The following COG8 variants were observed in gnomAD, a reference collection of about 807,000 sequenced individuals.
COG8 encodes the protein component of oligomeric golgi complex 8, also known as conserved oligomeric Golgi complex subunit 8.
In COG8, 45 loss-of-function variants were observed where a neutral mutation model predicts 46.5. The ratio of observed to expected loss-of-function variants is 0.97; its 90% CI spans 0.76 to 1.24. COG8 has a LOEUF of 1.24. Among genes scored for constraint, COG8 ranks in the 50% most tolerant of loss-of-function variants. The pLI is 0.00. For missense variants in COG8, 793 were observed against 820.8 expected (o/e 0.97, Z 0.41); for synonymous variants, 407 against 347.8 (o/e 1.17, Z -1.90).
intron 1 of COG8, 109 bp downstream of exon 1, chr16:69,339,067 C>A: frequency 6.8e-7 from 1 of 1,481,060 alleles, no homozygotes. Context: ...ATAAAGCGCT[C>A]AGCAGAGAAC....
chr16:69,329,282 G>A (rs961881992), intron 5 of COG8, 103 bp from the exon 6 acceptor site: 9 of 1,255,390 alleles, frequency 7.2e-6, no homozygotes, highest in East Asian at 2.9e-5. Context: ...ATTGACAAGA[G>A]GCAACAGCAG....
In COG8 at chr16:69,328,106, C is replaced by G. The variant is rs1567427619; in HGVS notation, c.*1100G>C. On this transcript the variant is annotated 3_prime_UTR_variant, in exon 6 of 6. Coordinates refer to ENST00000306875, the MANE Select transcript of COG8 (RefSeq NM_032382.5). ...GGGATTACAGGTGCTCGCCACCACG[C>G]CCGGCTAATTTTTGTATCTTTAGTA... 1.3e-5 allele frequency: 2 copies of G among 152,140 alleles called. No individual in the cohort carries two copies. Among genetic ancestry groups the G allele is most frequent in the African/African-American group, 4.8e-5 (2 of 41,404 alleles). The allele number at this position is 152,140 out of a possible 1,614,324, so 9.4% of individuals were successfully genotyped here. A position where few individuals can be genotyped will look rare whatever the true frequency, so the allele number is the denominator to read the frequency against.
In COG8 at chr16:69,331,110, G is replaced by A. The variant is rs1181798879; in HGVS notation, c.1583-15C>T. ...GGGAGGAATGCCTAACCCAGACGTG[G>A]GGAAAGCAAAATGGAAAACAGTTAC... On this transcript the variant is annotated splice_polypyrimidine_tract_variant and intron_variant, in intron 4 of 5. Transcript: ENST00000306875. The A allele has an allele frequency of 3.1e-6, 5 of 1,613,508 alleles. No homozygotes were observed. The highest frequency in any genetic ancestry group is 2.2e-5 in the South Asian group (2 of 91,026).
At chr16:69,332,055 T>C (rs2143330733) in intron 4 of COG8, among the ~76,000 whole-genome samples, 2 of 151,718 alleles carry the variant, frequency 1.3e-5, no homozygotes, top group South Asian at 4.2e-4. Context: ...TGAAAGTGAA[T>C]TGGAAAAAAG....
chr16:69,330,999 T>C lies in COG8; in HGVS notation c.1679A>G (p.Glu560Gly), dbSNP rs748769205. 2.5e-6 allele frequency: 4 copies of C among 1,610,822 alleles called. No individual in the cohort carries two copies. The highest frequency in any genetic ancestry group is 3.4e-6 in the Non-Finnish European group (4 of 1,178,850). Residue 560 changes from glutamate (E) to glycine (G), a missense_variant, in exon 5 of 6, where the codon GAG (glutamate) becomes GGG (glycine). Transcript: ENST00000306875. ...CTGGTCATCCAGGGTGAAAAGCGTC[T>C]CTCTCTTTGGCAGGATAAAGGCGAG... ...EPLAFILPKR[E>G]TLFTLDDQAL...
intron 3 of COG8, 25 bp from the exon 4 acceptor site, chr16:69,332,907 T>TACTGGGACAGCCTATCACC: frequency 6.2e-7 from 1 of 1,613,500 alleles, no homozygotes; most frequent in East Asian, 2.2e-5. Flanking sequence ...CACCGTCAAT[T>TACTGGGACAGCCTATCACC]ACTGGGACAG....
At chr16:69,330,611 C>A in intron 5 of COG8, 1 of 1,413,290 alleles carries the variant, frequency 7.1e-7, no homozygotes, top group Non-Finnish European at 9.1e-7. Flanking sequence ...CCCTTCCGGC[C>A]GCAGCGCGGG....
rs747648458 is a variant in COG8, at chr16:69,335,360, CAG to C, written c.586-14_586-13del. On this transcript the variant is annotated splice_polypyrimidine_tract_variant and intron_variant, in intron 2 of 5. Coordinates refer to ENST00000306875, the MANE Select transcript of COG8 (RefSeq NM_032382.5). Reference sequence around the variant, plus strand: ...TCGTTCACGATGCCCTGACAATACACAGAGAGAGTCACACTGCGCTGGGAAGG... The same window carrying C: ...TCGTTCACGATGCCCTGACAATACACAGAGAGTCACACTGCGCTGGGAAGG... 2.5e-6 allele frequency: 4 copies of C among 1,575,886 alleles called. No homozygotes were observed. The highest frequency in any genetic ancestry group is 2.7e-5 in the African/African-American group (2 of 74,224).
intron 5 of COG8, chr16:69,330,553 GC>G: frequency 6.8e-7 from 1 of 1,468,280 alleles, no homozygotes; most frequent in Non-Finnish European, 8.9e-7. Context: ...GACTCAGCGC[GC>G]CCCACAGCCG....
At chr16:69,333,599 A>G (rs953210105) in intron 3 of COG8, among the ~76,000 whole-genome samples, 1 of 152,248 alleles carries the variant, frequency 6.6e-6, no homozygotes, top group African/African-American at 2.4e-5. Flanking sequence ...GAAAACTGTA[A>G]GAAAACAGCT....
At chr16:69,336,123 C>T (rs2012193171) in intron 2 of COG8, among the ~76,000 whole-genome samples, 1 of 152,132 alleles carries the variant, frequency 6.6e-6, no homozygotes, top group Non-Finnish European at 1.5e-5. Flanking sequence ...TTAAATGTTA[C>T]CTCCCTAGAA....
chr16:69,335,227 T>G lies in COG8; in HGVS notation c.707A>C (p.Asp236Ala). Residue 236 changes from aspartate (D) to alanine (A), a missense_variant, in exon 3 of 6, where the codon GAC becomes GCC. Transcript: ENST00000306875. ...LRVIGYLRRM[D>A]VFTEAELRVK... ...CCTCAACTCAGCCTCAGTGAAGACG[T>G]CCATGCGCCGCAGGTAGCCAATGAC... is the stretch of plus-strand genomic sequence containing the variant. 1 of 1,614,048 alleles carries G rather than the reference T, an allele frequency of 6.2e-7. No individual in the cohort carries two copies. Among genetic ancestry groups the G allele is most frequent in the Non-Finnish European group, 8.5e-7 (1 of 1,179,986 alleles).
chr16:69,330,308 C>G, intron 5 of COG8: 1 of 1,437,760 alleles, frequency 7.0e-7, no homozygotes, highest in African/African-American at 1.5e-5. Context: ...CTCGGGCCCG[C>G]CTAGCTGCGC....
intron 5 of COG8, chr16:69,330,260 C>A: frequency 7.0e-7 from 1 of 1,438,422 alleles, no homozygotes; most frequent in Middle Eastern, 2.4e-4. Flanking sequence ...GCGCCGCCGC[C>A]GCATCACCTG....
intron 5 of COG8, chr16:69,330,249 A>C: frequency 7.0e-7 from 1 of 1,436,898 alleles, no homozygotes; most frequent in Non-Finnish European, 9.1e-7. Flanking sequence ...AGGCCCACGC[A>C]GCGCCGCCGC....
chr16:69,336,023 C>T lies in COG8; in HGVS notation c.585+482G>A, dbSNP rs140030044. ...TAAACACCTCAATTTCTGCCCACTT[C>T]AGCCCTCTCTACTTGTTCTTCACAC... On this transcript the variant is annotated intron_variant, in intron 2 of 5. Transcript: ENST00000306875. Among the ~76,000 whole-genome samples the T allele has an allele frequency of 1.6e-4, 25 of 152,228 alleles. No homozygotes were observed. The East Asian group carries it at 4.6e-3, about 28-fold the overall frequency.
Position 69,335,202 on chromosome 16 carries a change from C to A in COG8, c.732G>T (p.Arg244Ser), listed in dbSNP as rs1250896979. The part of the protein sequence containing the change: ...RMDVFTEAEL[R>S]VKFLQARDAW... ...CATCTCGGGCCTGAAGAAACTTCACCCTCAACTCAGCCTCAGTGAAGACGT... is the reference window on the plus strand; with the variant it reads ...CATCTCGGGCCTGAAGAAACTTCACACTCAACTCAGCCTCAGTGAAGACGT... Residue 244 changes from arginine (R) to serine (S), a missense_variant, in exon 3 of 6, where the codon AGG (arginine) becomes AGT (serine). Physicochemically the swap from Arg to Ser is moderately radical, Grantham distance 110 (BLOSUM62 -1). Transcript: ENST00000306875. 6.2e-7 allele frequency: 1 copy of A among 1,614,136 alleles called. No homozygotes were observed. Among genetic ancestry groups the A allele is most frequent in the East Asian group, 2.2e-5 (1 of 44,882 alleles).
At chr16:69,337,955 A>G (rs2012297573) in intron 1 of COG8, among the ~76,000 whole-genome samples, 1 of 151,936 alleles carries the variant, frequency 6.6e-6, no homozygotes, top group Non-Finnish European at 1.5e-5. Flanking sequence ...GATGGCCTCG[A>G]TCTCTTGACC....
In COG8 at chr16:69,330,164, G is replaced by C. The variant is rs781757701; in HGVS notation, c.*26+649C>G. 3.9e-6 allele frequency: 6 copies of C among 1,531,790 alleles called. No individual in the cohort carries two copies. The African/African-American group carries it at 7.2e-5, about 18-fold the overall frequency. The allele number at this position is 1,531,790 out of a possible 1,614,324, so 94.9% of individuals were successfully genotyped here. A position where few individuals can be genotyped will look rare whatever the true frequency, so the allele number is the denominator to read the frequency against. ...TTGGCGGAGCGCGCGCTGGCGGGGC[G>C]GGCACTCCCGACACAGCGCCTCGGG... On this transcript the variant is annotated intron_variant, in intron 5 of 5. Coordinates refer to ENST00000306875, the MANE Select transcript of COG8 (RefSeq NM_032382.5).
Sources: allele counts gnomAD v4.1 joint callset (sites outside exome capture counted in the v4.1 genomes callset), GRCh38; gene constraint gnomAD v4.1.1; transcripts MANE v1.5; gene names NCBI Gene and HGNC (gene_info 2026-07-23, HGNC 2026-07-21).